The following RANBP2 variants were observed in gnomAD, a reference collection of about 807,000 sequenced individuals.
The protein encoded by RANBP2 is RAN binding protein 2.
RANBP2 carries 57 observed loss-of-function variants against 303.6 expected under a neutral mutation model. The observed-to-expected ratio is 0.19, with a 90% confidence interval of 0.15 to 0.23. The LOEUF is 0.23. Ranked by LOEUF, RANBP2 falls within the 10% of genes least tolerant of loss-of-function variation. RANBP2 has a pLI of 1.00. For synonymous variants in RANBP2, 1,167 were observed against 1,301.5 expected, an observed-to-expected ratio of 0.90 and a Z score of 2.23; for missense variants, 3,138 against 3,780.8, an observed-to-expected ratio of 0.83 and a Z score of 4.46.
the RANBP2 span, among the ~76,000 whole-genome samples, chr2:109,418,572 C>A: frequency 6.6e-6 from 1 of 151,936 alleles, no homozygotes; most frequent in African/African-American, 2.4e-5. Flanking sequence ...CCCGGTCCTC[C>A]TTCTCTGTGT....
At chr2:108,931,169 A>G in the RANBP2 span, 38 of 758,850 alleles carry the variant, frequency 5.0e-5, no homozygotes, top group Admixed American at 2.0e-4. Context: ...AAAGAAAAGC[A>G]GACATGAAGC....
chr2:108,733,451 G>A (rs1695338514), intron 4 of RANBP2, among the ~76,000 whole-genome samples: 1 of 151,800 alleles, frequency 6.6e-6, no homozygotes. Context: ...TCACTTTTGA[G>A]GGACATTTTG....
At chr2:109,730,678 A>C in the RANBP2 span, among the ~76,000 whole-genome samples, 19 of 148,756 alleles carry the variant, frequency 1.3e-4, no homozygotes, top group Non-Finnish European at 2.7e-4. Flanking sequence ...AGCATGGTCT[A>C]GTTCTGGTGA....
At chr2:109,213,085 C>T in the RANBP2 span, among the ~76,000 whole-genome samples, 9 of 152,214 alleles carry the variant, frequency 5.9e-5, no homozygotes, top group Non-Finnish European at 1.3e-4. Flanking sequence ...AATCTGAAAG[C>T]ACAGTCAAGC....
chr2:109,080,013 T>C, the RANBP2 span, among the ~76,000 whole-genome samples: 9 of 152,282 alleles, frequency 5.9e-5, no homozygotes, highest in African/African-American at 1.9e-4. Flanking sequence ...CTTCAGACTA[T>C]GGAATACCCG....
chr2:108,936,971 C>T, the RANBP2 span, among the ~76,000 whole-genome samples: 4 of 152,190 alleles, frequency 2.6e-5, no homozygotes, highest in South Asian at 2.1e-4. Flanking sequence ...ATTAAATAGC[C>T]GGTCCTGTTC....
At chr2:108,909,622 G>T in the RANBP2 span, among the ~76,000 whole-genome samples, 1 of 152,230 alleles carries the variant, frequency 6.6e-6, no homozygotes, top group African/African-American at 2.4e-5. Context: ...CCTGGCAGGG[G>T]GGTCCGAGCA....
intron 20 of RANBP2, among the ~76,000 whole-genome samples, 186 bp downstream of exon 20, chr2:108,768,574 T>G (rs149368650): frequency 2.0e-5 from 3 of 152,202 alleles, no homozygotes; most frequent in African/African-American, 7.2e-5. Flanking sequence ...GCAAGAGAAC[T>G]TAGTTTAAGA....
At chr2:109,629,505 T>G in the RANBP2 span, among the ~76,000 whole-genome samples, 1 of 151,772 alleles carries the variant, frequency 6.6e-6, no homozygotes, top group South Asian at 2.1e-4. Context: ...CAAATTTGAA[T>G]AGTAAGTACG....
the RANBP2 span, among the ~76,000 whole-genome samples, chr2:109,224,511 A>G: frequency 6.6e-6 from 1 of 152,208 alleles, no homozygotes; most frequent in Non-Finnish European, 1.5e-5. Flanking sequence ...GACCAGCCAC[A>G]GGTGACTACT....
At chr2:109,519,180 A>G in the RANBP2 span, among the ~76,000 whole-genome samples, 7 of 152,024 alleles carry the variant, frequency 4.6e-5, no homozygotes, top group South Asian at 1.2e-3. Context: ...CAACCTCCCA[A>G]AGTGCTGGGA....
At chr2:108,990,635 T>C in the RANBP2 span, among the ~76,000 whole-genome samples, 25 of 151,912 alleles carry the variant, frequency 1.6e-4, no homozygotes. Flanking sequence ...CAGACAGAAA[T>C]GTATGGGGCT....
At chr2:108,829,181 A>G in the RANBP2 span, among the ~76,000 whole-genome samples, 1 of 152,182 alleles carries the variant, frequency 6.6e-6, no homozygotes, top group Non-Finnish European at 1.5e-5. Flanking sequence ...GCATCAACAG[A>G]TTGAAATGGT....
chr2:109,561,406 T>C, the RANBP2 span, among the ~76,000 whole-genome samples: 1 of 152,126 alleles, frequency 6.6e-6, no homozygotes, highest in Non-Finnish European at 1.5e-5. Flanking sequence ...ACAGCTACAA[T>C]GTACTGTGCA....
At chr2:109,324,923 C>G in the RANBP2 span, among the ~76,000 whole-genome samples, 1 of 152,218 alleles carries the variant, frequency 6.6e-6, no homozygotes, top group Non-Finnish European at 1.5e-5. Context: ...ACCCTCTCCT[C>G]TTGCCATTCC....
At chr2:109,751,017 C>T in the RANBP2 span, among the ~76,000 whole-genome samples, 76 of 13,730 alleles carry the variant, frequency 5.5e-3, no homozygotes, top group Non-Finnish European at 9.6e-3. Context: ...CCACTGCACC[C>T]GGCCCCACTA....
the RANBP2 span, among the ~76,000 whole-genome samples, chr2:109,429,653 A>C: frequency 6.6e-6 from 1 of 151,866 alleles, no homozygotes; most frequent in Non-Finnish European, 1.5e-5. Flanking sequence ...GCTGTGCCCC[A>C]GGCCGCGCTG....
the RANBP2 span, among the ~76,000 whole-genome samples, chr2:109,013,955 A>G: frequency 6.6e-6 from 1 of 152,088 alleles, no homozygotes; most frequent in East Asian, 1.9e-4. Context: ...AAAGTAAATT[A>G]CAGTTATTTT....
At chr2:108,930,162 G>A in the RANBP2 span, 1 of 1,614,020 alleles carries the variant, frequency 6.2e-7, no homozygotes, top group Non-Finnish European at 8.5e-7. Context: ...GGCACTCCTG[G>A]CACAGCCCCG....
Sources: allele counts gnomAD v4.1 joint callset (sites outside exome capture counted in the v4.1 genomes callset), GRCh38; gene constraint gnomAD v4.1.1; transcripts MANE v1.5; gene names NCBI Gene and HGNC (gene_info 2026-07-23, HGNC 2026-07-21).